The following MAP2K6 variants were observed in gnomAD, a reference collection of about 807,000 sequenced individuals.
MAP2K6 encodes dual specificity mitogen-activated protein kinase kinase 6.
Under a neutral mutation model 53.7 loss-of-function variants are expected in MAP2K6, and 16 were observed. That is an observed-to-expected ratio of 0.30 (90% CI 0.20 to 0.45). The LOEUF (loss-of-function observed/expected upper bound fraction) is 0.45. Ranked by LOEUF, MAP2K6 falls within the 20% of genes least tolerant of loss-of-function variation. The pLI is 1.00. For missense variants in MAP2K6, 204 were observed against 411.9 expected, an observed-to-expected ratio of 0.50 and a Z score of 4.37; for synonymous variants, 132 against 143.1, an observed-to-expected ratio of 0.92 and a Z score of 0.55.
In MAP2K6 at chr17:69,502,128, A is replaced by G. The variant is rs181969170; in HGVS notation, c.17-3652A>G. 2.6e-5 allele frequency: 25 copies of G among 979,624 alleles called. No homozygotes were observed. The East Asian group carries it at 1.5e-3, about 58-fold the overall frequency. 60.7% of individuals were successfully genotyped at this position (979,624 alleles called of 1,614,324 possible). ...AGATTTATTCCTCCAAGTCTGGTTA[A>G]TGATTAATGTCACGCCTGGGTGTCC... On this transcript the variant is annotated intron_variant, in intron 1 of 11. Coordinates refer to ENST00000590474, the MANE Select transcript of MAP2K6 (RefSeq NM_002758.4).
At position 69,544,656 on chromosome 17, in the gene MAP2K6, T is replaced by A. The variant is rs1598326419; in HGVS notation, c.*2903T>A. On this transcript the variant is annotated 3_prime_UTR_variant, in exon 12 of 12. Coordinates refer to ENST00000590474, the MANE Select transcript of MAP2K6 (RefSeq NM_002758.4). ...TGATTTTGTATCATATAATTGTCCATGTTATAATTTTTGAAAATGTTTATT... is the reference window on the plus strand; with the variant it reads ...TGATTTTGTATCATATAATTGTCCAAGTTATAATTTTTGAAAATGTTTATT... 1 of 152,220 alleles carries A rather than the reference T, an allele frequency of 6.6e-6. No homozygotes were observed. The highest frequency in any genetic ancestry group is 1.9e-4 in the East Asian group (1 of 5,204). 9.4% of individuals were successfully genotyped at this position (152,220 alleles called of 1,614,324 possible).
chr17:69,466,186 G>A (rs1050739014), intron 1 of MAP2K6, among the ~76,000 whole-genome samples: 13 of 150,766 alleles, frequency 8.6e-5, no homozygotes, highest in South Asian at 2.1e-4. Flanking sequence ...CCAGCTACTC[G>A]GGAGGCTGAG....
chr17:69,491,730 G>GTTTA (rs1555606494), intron 1 of MAP2K6, among the ~76,000 whole-genome samples: 9 of 143,384 alleles, frequency 6.3e-5, no homozygotes, highest in Non-Finnish European at 1.3e-4. Flanking sequence ...GCTGGCATCT[G>GTTTA]TTATTATTAT....
At position 69,540,388 on chromosome 17, in the gene MAP2K6, G is replaced by A. The variant is rs928633400; in HGVS notation, c.928-1288G>A. Among the ~76,000 whole-genome samples the A allele has an allele frequency of 1.3e-4, 20 of 152,166 alleles. 1 individual carries two copies. Among genetic ancestry groups the A allele is most frequent in the Non-Finnish European group, 1.5e-5 (1 of 68,020 alleles). On this transcript the variant is annotated intron_variant, in intron 11 of 11. Coordinates refer to ENST00000590474, the MANE Select transcript of MAP2K6 (RefSeq NM_002758.4). ...TGAGCATGGGAGGTGAGACACGTGG[G>A]ACTAAGTTCTACCTGTAAGAATTAT...
chr17:69,468,398 C>T lies in MAP2K6; in HGVS notation c.17-37382C>T, dbSNP rs552727114. 8.2e-4 allele frequency among the ~76,000 whole-genome samples: 125 copies of T among 152,368 alleles called. 1 individual carries two copies. The South Asian group carries it at 0.024, about 30-fold the overall frequency. On this transcript the variant is annotated intron_variant, in intron 1 of 11. Coordinates refer to ENST00000590474, the MANE Select transcript of MAP2K6 (RefSeq NM_002758.4). ...TCAACAACCATTTACGAGCCAATTA[C>T]TCTTTTCAGGCTGGGATAACACAGC...
intron 1 of MAP2K6, 175 bp from the exon 2 acceptor site, chr17:69,505,605 C>A: frequency 1.7e-6 from 1 of 603,740 alleles, no homozygotes; most frequent in Non-Finnish European, 3.0e-6. Context: ...GAAGCTCTGT[C>A]CTACCTGGTG....
At chr17:69,500,366 T>G (rs1197989031) in intron 1 of MAP2K6, among the ~76,000 whole-genome samples, 1 of 141,188 alleles carries the variant, frequency 7.1e-6, no homozygotes, top group Non-Finnish European at 1.5e-5. Flanking sequence ...GAGAATTGCT[T>G]GAACGTGGGA....
rs1480451271 is a variant in MAP2K6, at chr17:69,552,221, G to A, written c.*10468G>A. 6.6e-6 allele frequency: 1 copy of A among 152,240 alleles called. No homozygotes were observed. The highest frequency in any genetic ancestry group is 2.4e-5 in the African/African-American group (1 of 41,460). The allele number at this position is 152,240 out of a possible 1,614,324, so 9.4% of individuals were successfully genotyped here. A position where few individuals can be genotyped will look rare whatever the true frequency, so the allele number is the denominator to read the frequency against. On this transcript the variant is annotated 3_prime_UTR_variant, in exon 12 of 12. Transcript: ENST00000590474. ...GAAAATGCCCTGATGCTAGAATGAG[G>A]TAGTTCCATAAGCTAGTTAGGAGCT...
intron 1 of MAP2K6, among the ~76,000 whole-genome samples, chr17:69,422,422 A>G (rs1006620032): frequency 6.6e-6 from 1 of 152,114 alleles, no homozygotes; most frequent in Non-Finnish European, 1.5e-5. Flanking sequence ...ATGAGCCACC[A>G]CGCCTGGCCA....
At chr17:69,429,500 G>C (rs1347385655) in intron 1 of MAP2K6, among the ~76,000 whole-genome samples, 8 of 151,702 alleles carry the variant, frequency 5.3e-5, no homozygotes, top group Non-Finnish European at 8.8e-5. Context: ...CTGATTTTTA[G>C]ATAAGGCCTG....
intron 11 of MAP2K6, 121 bp from the exon 12 acceptor site, chr17:69,541,555 C>G: frequency 1.6e-6 from 1 of 622,380 alleles, no homozygotes; most frequent in Non-Finnish European, 2.7e-6. Flanking sequence ...GTAGGAAAAG[C>G]CCAGCCTAGC....
chr17:69,450,350 G>A lies in MAP2K6; in HGVS notation c.16+35350G>A, dbSNP rs541992745. On this transcript the variant is annotated intron_variant, in intron 1 of 11. Coordinates refer to ENST00000590474, the MANE Select transcript of MAP2K6 (RefSeq NM_002758.4). ...AAAAATGAATCACAATAAAGTACTC[G>A]GCTTGACTCTGAGTCTGAGGCAGTA... Among the ~76,000 whole-genome samples the A allele has an allele frequency of 2.6e-5, 4 of 152,226 alleles. No individual in the cohort carries two copies. The South Asian group carries it at 8.3e-4, about 32-fold the overall frequency.
At chr17:69,525,175 A>G (rs1477413487) in intron 9 of MAP2K6, among the ~76,000 whole-genome samples, 197 bp downstream of exon 9, 5 of 152,152 alleles carry the variant, frequency 3.3e-5, no homozygotes, top group African/African-American at 9.7e-5. Flanking sequence ...GGGGAAACCA[A>G]TCTTTCTCTT....
intron 2 of MAP2K6, among the ~76,000 whole-genome samples, chr17:69,510,002 G>A (rs921659011): frequency 1.1e-4 from 17 of 151,914 alleles, no homozygotes; most frequent in African/African-American, 3.4e-4. Context: ...GCCACCACAC[G>A]CGGCTAATTT....
chr17:69,551,664 A>G lies in MAP2K6; in HGVS notation c.*9911A>G, dbSNP rs1049888546. 1 of 152,194 alleles carries G rather than the reference A, an allele frequency of 6.6e-6. No homozygotes were observed. Among genetic ancestry groups the G allele is most frequent in the East Asian group, 1.9e-4 (1 of 5,206 alleles). The allele number at this position is 152,194 out of a possible 1,614,324, so 9.4% of individuals were successfully genotyped here. On this transcript the variant is annotated 3_prime_UTR_variant, in exon 12 of 12. Transcript: ENST00000590474. ...CCTGTATTACCTCTGTGTTTGATTTATTCTTTAGTCTCAAATTTATTTTCT... is the reference window on the plus strand; with the variant it reads ...CCTGTATTACCTCTGTGTTTGATTTGTTCTTTAGTCTCAAATTTATTTTCT...
chr17:69,518,712 A>G (rs546631393), intron 4 of MAP2K6, among the ~76,000 whole-genome samples: 1 of 152,312 alleles, frequency 6.6e-6, no homozygotes, highest in Non-Finnish European at 1.5e-5. Context: ...AAGTAGGCAA[A>G]AAGTGTGAAG....
intron 1 of MAP2K6, chr17:69,477,128 A>G (rs916564848): frequency 1.3e-5 from 2 of 152,250 alleles, no homozygotes; most frequent in African/African-American, 4.8e-5. Flanking sequence ...CAGAGCTTGA[A>G]ATAAAGAATT....
At chr17:69,447,534 C>T (rs1025458731) in intron 1 of MAP2K6, among the ~76,000 whole-genome samples, 7 of 151,812 alleles carry the variant, frequency 4.6e-5, no homozygotes, top group African/African-American at 7.3e-5. Context: ...TTAGTGGAGA[C>T]GGGGTTTTAC....
chr17:69,553,756 G>A lies in MAP2K6; in HGVS notation c.*12003G>A, dbSNP rs1162275002. 1.3e-5 allele frequency: 2 copies of A among 152,236 alleles called. No individual in the cohort carries two copies. Among genetic ancestry groups the A allele is most frequent in the African/African-American group, 4.8e-5 (2 of 41,460 alleles). 9.4% of individuals were successfully genotyped at this position (152,236 alleles called of 1,614,324 possible). A position where few individuals can be genotyped will look rare whatever the true frequency, so the allele number is the denominator to read the frequency against. ...CAAAGTGCTTGCTATGGCTTTCATA[G>A]CTGGGACAAGTAACATTAAGTATTC... is the stretch of plus-strand genomic sequence containing the variant. On this transcript the variant is annotated 3_prime_UTR_variant, in exon 12 of 12. Transcript: ENST00000590474.
Sources: allele counts gnomAD v4.1 joint callset (sites outside exome capture counted in the v4.1 genomes callset), GRCh38; gene constraint gnomAD v4.1.1; transcripts MANE v1.5; gene names NCBI Gene and HGNC (gene_info 2026-07-23, HGNC 2026-07-21).